Variants in WWOX observed in about 807,000 individuals in gnomAD.
WWOX encodes the protein WW domain containing oxidoreductase.
WWOX carries 69 observed loss-of-function variants against 46.2 expected under a neutral mutation model. The observed-to-expected ratio is 1.49, with a 90% CI of 1.23 to 1.82. The LOEUF (loss-of-function observed/expected upper bound fraction) is 1.82. Ranked by LOEUF, WWOX falls within the 40% of genes most tolerant of loss-of-function variation. The pLI, the probability that WWOX is intolerant of heterozygous loss-of-function variation, is 0.00. For missense variants in WWOX, 919 were observed against 542.6 expected (o/e 1.69, Z -6.89); for synonymous variants, 359 against 202.6 (o/e 1.77, Z -6.56).
intron 8 of WWOX, among the ~76,000 whole-genome samples, chr16:78,799,792 T>C (rs547508280): frequency 1.2e-4 from 19 of 152,364 alleles, no homozygotes; most frequent in Admixed American, 4.6e-4. Context: ...TTTATTTAGA[T>C]ATCTTTGGCT....
intron 8 of WWOX, among the ~76,000 whole-genome samples, chr16:78,974,516 T>C (rs765043133): frequency 1.4e-4 from 21 of 152,340 alleles, no homozygotes; most frequent in Non-Finnish European, 2.6e-4. Flanking sequence ...TCCGTCTCTG[T>C]TAAGGTTATC....
intron 4 of WWOX, chr16:78,119,045 C>A (rs1233393265): frequency 6.6e-6 from 1 of 152,202 alleles, no homozygotes; most frequent in African/African-American, 2.4e-5. Context: ...CAGGGGGAAG[C>A]CATCTCTTCA....
intron 8 of WWOX, among the ~76,000 whole-genome samples, chr16:78,623,115 G>C (rs1349987087): frequency 6.6e-6 from 1 of 151,930 alleles, no homozygotes; most frequent in East Asian, 1.9e-4. Flanking sequence ...AGCCCCACTA[G>C]GCAACTAGAT....
chr16:78,278,616 A>G, intron 5 of WWOX: 1 of 1,610,822 alleles, frequency 6.2e-7, no homozygotes, highest in Non-Finnish European at 8.5e-7. Flanking sequence ...ACAAAATACC[A>G]CCCTCCGCCA....
At chr16:78,420,046 G>C (rs1181031452) in intron 6 of WWOX, among the ~76,000 whole-genome samples, 15 of 152,062 alleles carry the variant, frequency 9.9e-5, no homozygotes, top group Non-Finnish European at 2.2e-4. Flanking sequence ...TCTCATTAGG[G>C]AAATGCAAAT....
rs530689561 is a variant in WWOX, at chr16:78,283,593, T to C, written c.517-103267T>C. 8.5e-5 allele frequency among the ~76,000 whole-genome samples: 13 copies of C among 152,262 alleles called. No homozygotes were observed. The East Asian group carries it at 2.1e-3, about 25-fold the overall frequency. ...CGGATACAGTTTTCTTTAACTCACA[T>C]AGGATGAATGTGGCATTTATTCCTG... is the stretch of plus-strand genomic sequence containing the variant. On this transcript the variant is annotated intron_variant, in intron 5 of 8. Coordinates refer to ENST00000566780, the MANE Select transcript of WWOX (RefSeq NM_016373.4).
At chr16:78,322,387 G>A (rs1249338973) in intron 5 of WWOX, among the ~76,000 whole-genome samples, 1 of 152,166 alleles carries the variant, frequency 6.6e-6, no homozygotes, top group Non-Finnish European at 1.5e-5. Flanking sequence ...AATAGTATAT[G>A]ATAATAATGA....
chr16:78,383,991 A>G (rs930121146), intron 5 of WWOX, among the ~76,000 whole-genome samples: 5 of 152,214 alleles, frequency 3.3e-5, no homozygotes, highest in Admixed American at 1.3e-4. Flanking sequence ...GAACCAAAAG[A>G]AAACTTAGCA....
At chr16:78,825,507 T>C (rs1276111864) in intron 8 of WWOX, 6 of 491,420 alleles carry the variant, frequency 1.2e-5, no homozygotes, top group Admixed American at 1.0e-4. Context: ...TCAGAAGAGA[T>C]TTGGCTTCCC....
chr16:78,109,463 A>G (rs536633311), intron 2 of WWOX, among the ~76,000 whole-genome samples: 28 of 152,234 alleles, frequency 1.8e-4, no homozygotes, highest in African/African-American at 4.3e-4. Flanking sequence ...CCTGCCCTGC[A>G]TATACATATG....
intron 8 of WWOX, among the ~76,000 whole-genome samples, chr16:78,650,672 T>C (rs2046946786): frequency 6.6e-6 from 1 of 152,210 alleles, no homozygotes; most frequent in South Asian, 2.1e-4. Context: ...CCAGATTTAA[T>C]ACTTTTAAAT....
At chr16:78,214,553 T>G (rs2036658456) in intron 5 of WWOX, among the ~76,000 whole-genome samples, 1 of 152,158 alleles carries the variant, frequency 6.6e-6, no homozygotes, top group Non-Finnish European at 1.5e-5. Flanking sequence ...TGCACCTCCC[T>G]CTGAATATGC....
Position 79,074,409 on chromosome 16 carries a change from C to CTT in WWOX, c.1057-137167_1057-137166dup, listed in dbSNP as rs60074156. 3.3e-3 allele frequency among the ~76,000 whole-genome samples: 101 copies of CTT among 30,972 alleles called. 1 individual carries two copies. Among genetic ancestry groups the CTT allele is most frequent in the East Asian group, 0.026 (19 of 722 alleles). The allele number at this position is 30,972 out of a possible 152,430, so 20.3% of individuals were successfully genotyped here. The stretch of plus-strand genomic sequence containing the variant: ...CATCCTGACTGAAATGTCACTAGTC[C>CTT]TTTTTTTTTTTTTTTTTTTTTTTTT... On this transcript the variant is annotated intron_variant, in intron 8 of 8. Transcript: ENST00000566780.
chr16:78,378,257 T>C (rs2081876397), intron 5 of WWOX, among the ~76,000 whole-genome samples: 1 of 152,160 alleles, frequency 6.6e-6, no homozygotes, highest in Non-Finnish European at 1.5e-5. Context: ...GTCAAGTCAG[T>C]GAAGAGACTC....
At position 79,135,484 on chromosome 16, in the gene WWOX, C is replaced by T. The variant is rs192332128; in HGVS notation, c.1057-76124C>T. 4.6e-3 allele frequency among the ~76,000 whole-genome samples: 704 copies of T among 152,280 alleles called. 3 individuals carry two copies. The highest frequency in any genetic ancestry group is 8.8e-3 in the Admixed American group (135 of 15,304). On this transcript the variant is annotated intron_variant, in intron 8 of 8. Transcript: ENST00000566780. ...AATATAAATCTATTCATCTATCCAT[C>T]TATTAAAAGAGATTTAAGTTATTTC... is the stretch of plus-strand genomic sequence containing the variant.
chr16:78,422,750 CATATAT>C (rs577129479), intron 6 of WWOX, among the ~76,000 whole-genome samples: 30 of 94,546 alleles, frequency 3.2e-4, no homozygotes, highest in African/African-American at 8.8e-5. Context: ...TATATATACA[CATATAT>C]ACACATATAT....
chr16:78,728,442 C>A (rs1057210130), intron 8 of WWOX, among the ~76,000 whole-genome samples: 4 of 152,314 alleles, frequency 2.6e-5, no homozygotes, highest in Admixed American at 6.5e-5. Flanking sequence ...TGCTACATTT[C>A]TTCTCCAGTG....
chr16:78,846,154 A>G (rs1001778022), intron 8 of WWOX, among the ~76,000 whole-genome samples: 7 of 152,206 alleles, frequency 4.6e-5, no homozygotes, highest in African/African-American at 1.7e-4. Flanking sequence ...AAATTTTGAA[A>G]TAAATGTTGG....
intron 6 of WWOX, among the ~76,000 whole-genome samples, chr16:78,399,938 G>C (rs535050459): frequency 2.0e-5 from 3 of 152,232 alleles, no homozygotes; most frequent in East Asian, 3.9e-4. Flanking sequence ...TAAATCAGCG[G>C]TGCTACACCG....
Sources: allele counts gnomAD v4.1 joint callset (sites outside exome capture counted in the v4.1 genomes callset), GRCh38; gene constraint gnomAD v4.1.1; transcripts MANE v1.5; gene names NCBI Gene and HGNC (gene_info 2026-07-23, HGNC 2026-07-21).